The following ARHGAP28 variants were observed in gnomAD, a reference collection of about 807,000 sequenced individuals.
The protein encoded by ARHGAP28 is Rho GTPase activating protein 28, also known as rho GTPase-activating protein 28.
ARHGAP28 carries 56 observed loss-of-function variants against 90.7 expected under a neutral mutation model. The ratio of observed to expected loss-of-function variants is 0.62; its 90% CI spans 0.50 to 0.77. The LOEUF is 0.77. ARHGAP28 is among the 30% of genes least tolerant of loss of function. The probability of loss-of-function intolerance (pLI) is 0.00; values close to 1 mark genes in which losing one functional copy is unlikely to be tolerated. For missense variants in ARHGAP28, 869 were observed against 900.9 expected (o/e 0.96, Z 0.45); for synonymous variants, 308 against 323.3 (o/e 0.95, Z 0.51).
At chr18:6,874,309 G>A (rs991884089) in intron 9 of ARHGAP28, among the ~76,000 whole-genome samples, 4 of 152,226 alleles carry the variant, frequency 2.6e-5, no homozygotes, top group African/African-American at 9.6e-5. Flanking sequence ...TTTCCGGTGT[G>A]TCTGGGCAGA....
intron 3 of ARHGAP28, among the ~76,000 whole-genome samples, chr18:6,848,036 G>A (rs1386402694): frequency 1.3e-5 from 2 of 152,172 alleles, no homozygotes; most frequent in Non-Finnish European, 2.9e-5. Context: ...GGTTGATCAT[G>A]TAGGCACCCT....
rs1490910101 is a variant in ARHGAP28 at position 6,829,805 on chromosome 18, T to G, written c.325+4841T>G. On this transcript the variant is annotated intron_variant, in intron 2 of 17. Transcript: ENST00000383472. ...ATCAATCGTTTATTTCTTTTTACTA[T>G]TAAGTAGTTTGTTTCAGTTTACTAG... is the stretch of plus-strand genomic sequence containing the variant. Among the ~76,000 whole-genome samples, 5 of 152,232 alleles carry G rather than the reference T, an allele frequency of 3.3e-5. No individual in the cohort carries two copies. In the East Asian group the frequency reaches 7.7e-4, roughly 23 times the overall value.
At chr18:6,861,612 A>G (rs905490521) in intron 5 of ARHGAP28, among the ~76,000 whole-genome samples, 1 of 152,174 alleles carries the variant, frequency 6.6e-6, no homozygotes, top group Non-Finnish European at 1.5e-5. Flanking sequence ...CCATGCACAC[A>G]CCACCAGAAC....
chr18:6,821,198 G>C (rs1477343130), intron 1 of ARHGAP28, among the ~76,000 whole-genome samples: 1 of 152,064 alleles, frequency 6.6e-6, no homozygotes, highest in Non-Finnish European at 1.5e-5. Context: ...AAGATCTCTG[G>C]TATCTACTAA....
At chr18:6,786,541 A>C (rs1410953872) in intron 1 of ARHGAP28, among the ~76,000 whole-genome samples, 1 of 152,098 alleles carries the variant, frequency 6.6e-6, no homozygotes, top group Non-Finnish European at 1.5e-5. Flanking sequence ...GTAACCTTCC[A>C]ACCACACGCC....
intron 5 of ARHGAP28, among the ~76,000 whole-genome samples, chr18:6,867,769 T>C (rs2057048847): frequency 6.6e-6 from 1 of 152,202 alleles, no homozygotes; most frequent in Admixed American, 6.5e-5. Flanking sequence ...CAAATGATAT[T>C]ATAATTATCG....
At chr18:6,774,907 C>T (rs1229677820) in intron 1 of ARHGAP28, among the ~76,000 whole-genome samples, 1 of 152,150 alleles carries the variant, frequency 6.6e-6, no homozygotes, top group Admixed American at 6.5e-5. Context: ...CTGATCTTTC[C>T]GTGGCCTCTG....
At chr18:6,759,703 T>C (rs117481550) in intron 1 of ARHGAP28, among the ~76,000 whole-genome samples, 1,533 of 152,318 alleles carry the variant, frequency 0.01, 19 homozygotes, top group Non-Finnish European at 0.013. Flanking sequence ...CACTTTCAGA[T>C]TCCTATCTTA....
Position 6,811,362 on chromosome 18 carries a change from A to G in ARHGAP28, c.123-13400A>G, listed in dbSNP as rs2056554989. On this transcript the variant is annotated intron_variant, in intron 1 of 17. Transcript: ENST00000383472. Reference sequence around the variant, plus strand: ...AAGAAAAGGCTGAAGAAGGACAAGAATCTTCATTGAACCAGCATTGAATTT... The same window carrying G: ...AAGAAAAGGCTGAAGAAGGACAAGAGTCTTCATTGAACCAGCATTGAATTT... 2.0e-5 allele frequency among the ~76,000 whole-genome samples: 3 copies of G among 152,220 alleles called. No homozygotes were observed. In the South Asian group the frequency reaches 6.2e-4, roughly 32 times the overall value.
chr18:6,804,850 T>C (rs2056506805), intron 1 of ARHGAP28, among the ~76,000 whole-genome samples: 1 of 152,264 alleles, frequency 6.6e-6, no homozygotes, highest in South Asian at 2.1e-4. Flanking sequence ...AAATGTTCTA[T>C]GTGTACTTGA....
intron 1 of ARHGAP28, among the ~76,000 whole-genome samples, chr18:6,764,375 G>C (rs2056184344): frequency 6.6e-6 from 1 of 152,160 alleles, no homozygotes; most frequent in Admixed American, 6.5e-5. Flanking sequence ...GTGTATGTAG[G>C]GTTTGGCATT....
chr18:6,795,527 A>G (rs144022905), intron 1 of ARHGAP28, among the ~76,000 whole-genome samples: 6 of 152,254 alleles, frequency 3.9e-5, no homozygotes, highest in African/African-American at 1.4e-4. Flanking sequence ...ACTATTTTCT[A>G]TTTTGCAGGC....
chr18:6,797,687 A>G (rs6506441), intron 1 of ARHGAP28, among the ~76,000 whole-genome samples: 100,842 of 151,294 alleles, frequency 0.67, 35,085 homozygotes, highest in Non-Finnish European at 0.77. Flanking sequence ...TTTAAGTCGC[A>G]GTCTCACTCT....
chr18:6,828,027 C>G (rs1314854182), intron 2 of ARHGAP28, among the ~76,000 whole-genome samples: 2 of 151,912 alleles, frequency 1.3e-5, no homozygotes, highest in Non-Finnish European at 2.9e-5. Flanking sequence ...TGTAGCGAGC[C>G]GAGATCACGC....
At chr18:6,761,256 GT>G (rs2056157602) in intron 1 of ARHGAP28, among the ~76,000 whole-genome samples, 1 of 152,074 alleles carries the variant, frequency 6.6e-6, no homozygotes, top group Non-Finnish European at 1.5e-5. Context: ...CATTTCATAG[GT>G]GTATTCTGTC....
chr18:6,776,578 T>C (rs1389342554), intron 1 of ARHGAP28, among the ~76,000 whole-genome samples: 1 of 152,222 alleles, frequency 6.6e-6, no homozygotes, highest in East Asian at 1.9e-4. Flanking sequence ...ATTATAGGCA[T>C]GAGCCACCAT....
chr18:6,761,539 G>A (rs530148779), intron 1 of ARHGAP28, among the ~76,000 whole-genome samples: 12 of 152,204 alleles, frequency 7.9e-5, no homozygotes, highest in Middle Eastern at 3.4e-3. Context: ...CATGAATCTG[G>A]GCTCCTAGGC....
chr18:6,754,679 A>G (rs991301687), intron 1 of ARHGAP28: 7 of 152,216 alleles, frequency 4.6e-5, no homozygotes, highest in African/African-American at 1.7e-4. Context: ...TTCTCCATTC[A>G]TTCTGCAGGT....
Position 6,776,808 on chromosome 18 carries a change from C to T in ARHGAP28, c.122+46865C>T, listed in dbSNP as rs139676850. ...CACACTGGTTCAGCTGCAAAGCCCT[C>T]TTTCTTAACCGCTATAATATCTTGT... On this transcript the variant is annotated intron_variant, in intron 1 of 17. Transcript: ENST00000383472. Among the ~76,000 whole-genome samples the T allele has an allele frequency of 1.2e-4, 19 of 152,280 alleles. 1 individual carries two copies. The East Asian group carries it at 3.7e-3, about 29-fold the overall frequency.
Sources: gnomAD v4.1 joint callset for allele counts (sites outside exome capture counted in the v4.1 genomes callset) on GRCh38, gnomAD v4.1.1 for gene constraint, MANE v1.5 for transcripts, NCBI Gene and HGNC (gene_info 2026-07-23, HGNC 2026-07-21) for gene names.